The following UTP4 variants were observed in gnomAD, a reference collection of about 807,000 sequenced individuals.
UTP4 encodes U3 small nucleolar RNA-associated protein 4 homolog.
A neutral mutation model predicts 82.4 loss-of-function variants in UTP4; 45 were observed. The ratio of observed to expected loss-of-function variants is 0.55; its 90% CI spans 0.43 to 0.70. The LOEUF (loss-of-function observed/expected upper bound fraction) is 0.70. Ranked by LOEUF, UTP4 falls within the 30% of genes least tolerant of loss-of-function variation. The pLI is 0.00. For missense variants in UTP4, 819 were observed against 858.3 expected, an observed-to-expected ratio of 0.95 and a Z score of 0.57; for synonymous variants, 348 against 300.3, an observed-to-expected ratio of 1.16 and a Z score of -1.64.
intron 16 of UTP4, among the ~76,000 whole-genome samples, chr16:69,168,159 G>A (rs184504952): frequency 4.0e-5 from 6 of 151,738 alleles, no homozygotes; most frequent in African/African-American, 1.2e-4. Flanking sequence ...AATCTTGGCC[G>A]GGCGCAGTGG....
At chr16:69,149,062 G>A (rs756171550) in intron 6 of UTP4, among the ~76,000 whole-genome samples, 10 of 151,522 alleles carry the variant, frequency 6.6e-5, no homozygotes, top group Non-Finnish European at 1.5e-4. Context: ...CCTGGCAAAC[G>A]TGGTAAAACC....
In UTP4 at chr16:69,136,773, C is replaced by T. The variant is rs771009781; in HGVS notation, c.237C>T (p.Leu79=). ...GACAGCGACTCTTTAGTGCTGGGCTCAATGGCGAGATTATGGAGTATGATT... is the reference window on the plus strand; with the variant it reads ...GACAGCGACTCTTTAGTGCTGGGCTTAATGGCGAGATTATGGAGTATGATT... ...AEGQRLFSAG[L]NGEIMEYDLQ... The change falls in exon 3 of 17, where the codon CTC becomes CTT. Residue 79 remains leucine, a synonymous_variant. Transcript: ENST00000314423. 6.2e-7 allele frequency: 1 copy of T among 1,614,072 alleles called. No individual in the cohort carries two copies. Among genetic ancestry groups the T allele is most frequent in the Non-Finnish European group, 8.5e-7 (1 of 1,180,004 alleles).
At chr16:69,144,127 A>G (rs1259319982) in intron 6 of UTP4, among the ~76,000 whole-genome samples, 1 of 151,682 alleles carries the variant, frequency 6.6e-6, no homozygotes, top group East Asian at 1.9e-4. Context: ...ACCTCAGGTG[A>G]TCCACCCACC....
Position 69,150,879 on chromosome 16 carries a change from C to T in UTP4, c.977C>T (p.Ala326Val). The T allele has an allele frequency of 1.2e-6, 2 of 1,613,982 alleles. No homozygotes were observed. Among genetic ancestry groups the T allele is most frequent in the East Asian group, 4.5e-5 (2 of 44,884 alleles). Residue 326 changes from alanine to valine, a missense_variant, in exon 8 of 17, where the codon GCT becomes GTT. By Grantham distance (64) the Ala-to-Val change is moderately conservative (BLOSUM62 0). Coordinates refer to ENST00000314423, the MANE Select transcript of UTP4 (RefSeq NM_032830.3). ...EKVEVKNYDA[A>V]LRKITFPHRC... Reference sequence around the variant, plus strand: ...GTGGAAGTAAAGAATTACGATGCCGCTCTCCGAAAAATCACCTTTCCCCAC... The same window carrying T: ...GTGGAAGTAAAGAATTACGATGCCGTTCTCCGAAAAATCACCTTTCCCCAC...
chr16:69,152,464 C>CTTTTTTTTT (rs58914042), intron 8 of UTP4, among the ~76,000 whole-genome samples: 79 of 107,034 alleles, frequency 7.4e-4, no homozygotes, highest in Non-Finnish European at 1.0e-3. Context: ...TTCTGTTTTT[C>CTTTTTTTTT]TTTTTTTTTT....
rs763383121 is a variant in UTP4 at position 69,133,577 on chromosome 16, G to A, written c.118G>A (p.Val40Met). The A allele has an allele frequency of 1.2e-5, 20 of 1,614,154 alleles. No homozygotes were observed. In the South Asian group the frequency reaches 1.4e-4, roughly 12 times the overall value. The change falls in exon 2 of 17, where the codon GTG becomes ATG. Residue 40 changes from valine to methionine, a missense_variant. Physicochemically the swap from Val to Met is conservative, Grantham distance 21. Coordinates refer to ENST00000314423, the MANE Select transcript of UTP4 (RefSeq NM_032830.3). ...RLAVSRTDGT[V>M]EIYNLSANYF... ...GGCTGTTTCACGAACAGATGGCACT[G>A]TGGAAATTTATAACTTGTCAGCAAA...
chr16:69,156,091 A>G (rs1963404612), intron 11 of UTP4, 98 bp downstream of exon 11: 1 of 1,229,036 alleles, frequency 8.1e-7, no homozygotes. Flanking sequence ...ATCCTTGCTC[A>G]GTTAAAAACT....
At chr16:69,146,896 G>T (rs1483450055) in intron 6 of UTP4, among the ~76,000 whole-genome samples, 1 of 150,882 alleles carries the variant, frequency 6.6e-6, no homozygotes, top group Non-Finnish European at 1.5e-5. Flanking sequence ...CCAGCTACTC[G>T]TGAGGCTGAG....
Position 69,165,401 on chromosome 16 carries a change from C to T in UTP4, c.1708C>T (p.Gln570Ter). ...AGATTGGAGCCGGACTGTCCAGAAG[C>T]AGGGCTTTCACCACCTTTGGCTCCA... ...YTDWSRTVQK[Q>*]GFHHLWLQRD... The change falls in exon 15 of 17, where the codon CAG becomes TAG. Residue 570 changes from glutamine (Q) to a stop codon, truncating the protein, a stop_gained. Transcript: ENST00000314423. LOFTEE classifies it high-confidence loss of function. The T allele has an allele frequency of 1.2e-6, 2 of 1,614,096 alleles. No homozygotes were observed. The highest frequency in any genetic ancestry group is 1.7e-6 in the Non-Finnish European group (2 of 1,180,014).
At position 69,163,122 on chromosome 16, in the gene UTP4, G is replaced by C; in HGVS notation, c.1591G>C (p.Ala531Pro). The stretch of plus-strand genomic sequence containing the variant: ...GCCTGCTTACAATTTCCCAGTGACT[G>C]CTATGGCTATTGCCCCCAATACCAA... Reference protein sequence around the residue: ...TVPAYNFPVTAMAIAPNTNNL... With the variant: ...TVPAYNFPVTPMAIAPNTNNL... Residue 531 changes from alanine (A) to proline (P), a missense_variant, in exon 14 of 17, where the codon GCT becomes CCT. By Grantham distance (27) the Ala-to-Pro change is conservative. Transcript: ENST00000314423. The C allele has an allele frequency of 6.2e-7, 1 of 1,614,118 alleles. No homozygotes were observed. Among genetic ancestry groups the C allele is most frequent in the South Asian group, 1.1e-5 (1 of 91,080 alleles).
intron 13 of UTP4, among the ~76,000 whole-genome samples, chr16:69,162,403 C>T (rs1963586551): frequency 6.6e-6 from 1 of 151,792 alleles, no homozygotes; most frequent in Non-Finnish European, 1.5e-5. Flanking sequence ...TAGTGAGACC[C>T]CGTTTCTACT....
At chr16:69,143,541 AT>A in intron 6 of UTP4, 152 bp downstream of exon 6, 1 of 734,148 alleles carries the variant, frequency 1.4e-6, no homozygotes, top group Non-Finnish European at 2.4e-6. Context: ...GAAAACCCAC[AT>A]TGTTTCCATA....
intron 6 of UTP4, among the ~76,000 whole-genome samples, chr16:69,145,550 G>GCTTTTTCTTTTTCTTTTT (rs577785687): frequency 1.3e-5 from 2 of 152,040 alleles, no homozygotes; most frequent in East Asian, 3.9e-4. Flanking sequence ...ACCGCCCCTG[G>GCTTTTTCTTTTTCTTTTT]CTTTTTCTTT....
intron 2 of UTP4, among the ~76,000 whole-genome samples, chr16:69,133,946 T>C (rs753626182): frequency 2.0e-5 from 3 of 152,206 alleles, no homozygotes; most frequent in Non-Finnish European, 4.4e-5. Flanking sequence ...AAGCAAAATT[T>C]CCTGCAGGGA....
At chr16:69,144,086 C>T (rs1392245314) in intron 6 of UTP4, among the ~76,000 whole-genome samples, 2 of 151,932 alleles carry the variant, frequency 1.3e-5, no homozygotes, top group Non-Finnish European at 2.9e-5. Context: ...TGGGGTTTCA[C>T]CATGTTGGGC....
intron 6 of UTP4, among the ~76,000 whole-genome samples, chr16:69,145,871 C>T (rs185259456): frequency 3.4e-4 from 52 of 152,190 alleles, no homozygotes; most frequent in African/African-American, 1.2e-3. Flanking sequence ...CCCTTTGGAG[C>T]TCTGGTTTCC....
chr16:69,137,503 A>G (rs1026792288), intron 3 of UTP4, among the ~76,000 whole-genome samples: 1 of 152,232 alleles, frequency 6.6e-6, no homozygotes, highest in Admixed American at 6.5e-5. Flanking sequence ...CTCTAGCAGA[A>G]GTATTCTATG....
At chr16:69,140,737 C>T (rs1388899555) in intron 5 of UTP4, among the ~76,000 whole-genome samples, 1 of 152,034 alleles carries the variant, frequency 6.6e-6, no homozygotes, top group Non-Finnish European at 1.5e-5. Context: ...CTCTCTCACT[C>T]TCCTCGAGGC....
At chr16:69,135,944 G>A (rs1188861923) in intron 2 of UTP4, among the ~76,000 whole-genome samples, 2 of 152,306 alleles carry the variant, frequency 1.3e-5, no homozygotes, top group South Asian at 4.1e-4. Context: ...CAGGGGAATC[G>A]CTTGAACCCG....
Sources: allele counts gnomAD v4.1 joint callset (sites outside exome capture counted in the v4.1 genomes callset), GRCh38; gene constraint gnomAD v4.1.1; transcripts MANE v1.5; gene names NCBI Gene and HGNC (gene_info 2026-07-23, HGNC 2026-07-21).